The following LGALS16 variants were observed in gnomAD, a reference collection of about 807,000 sequenced individuals.
LGALS16 encodes galectin-16.
A neutral mutation model predicts 13.2 loss-of-function variants in LGALS16; 15 were observed. The observed-to-expected ratio is 1.13, with a 90% CI of 0.76 to 1.75. The LOEUF is 1.75. Among genes scored for constraint, LGALS16 ranks in the 40% most tolerant of loss-of-function variants. LGALS16 has a pLI of 0.00. For synonymous variants in LGALS16, 66 were observed against 65.4 expected, an observed-to-expected ratio of 1.01 and a Z score of -0.05; for missense variants, 198 against 178.4, an observed-to-expected ratio of 1.11 and a Z score of -0.63.
chr19:39,657,850 T>C, intron 1 of LGALS16, 33 bp from the exon 2 acceptor site: 14 of 1,609,834 alleles, frequency 8.7e-6, no homozygotes, highest in Non-Finnish European at 1.1e-5. Flanking sequence ...CACCTGACCC[T>C]GCACCTCTCA....
chr19:39,659,119 A>T (rs1159448624), intron 3 of LGALS16, among the ~76,000 whole-genome samples: 3 of 128,936 alleles, frequency 2.3e-5, no homozygotes, highest in African/African-American at 6.1e-5. Context: ...TTTTTTTTTG[A>T]GACAGAGACT....
intron 3 of LGALS16, 66 bp from the exon 4 acceptor site, chr19:39,660,329 G>C: frequency 6.7e-7 from 1 of 1,502,890 alleles, no homozygotes; most frequent in Non-Finnish European, 8.9e-7. Flanking sequence ...CTAGGGCAGA[G>C]TAGAGAAGAG....
chr19:39,657,382 A>T (rs535597935), intron 1 of LGALS16, among the ~76,000 whole-genome samples: 1 of 152,234 alleles, frequency 6.6e-6, no homozygotes, highest in African/African-American at 2.4e-5. Flanking sequence ...TGCTGTCAGT[A>T]ATGTGTGCCA....
chr19:39,660,330 T>C, intron 3 of LGALS16, 65 bp from the exon 4 acceptor site: 1 of 1,505,768 alleles, frequency 6.6e-7, no homozygotes, highest in Non-Finnish European at 8.9e-7. Context: ...TAGGGCAGAG[T>C]AGAGAAGAGG....
chr19:39,659,420 T>C (rs565808803), intron 3 of LGALS16, among the ~76,000 whole-genome samples: 2 of 152,320 alleles, frequency 1.3e-5, no homozygotes, highest in Admixed American at 1.3e-4. Context: ...TATAGATATG[T>C]CTATGATTTC....
intron 3 of LGALS16, 35 bp from the exon 4 acceptor site, chr19:39,660,360 C>T (rs1264910604): frequency 2.0e-6 from 3 of 1,538,268 alleles, no homozygotes; most frequent in Non-Finnish European, 2.6e-6. Flanking sequence ...TGTTGGGTGG[C>T]ATACTGTCTT....
chr19:39,660,118 TG>T (rs1288306542), intron 3 of LGALS16, among the ~76,000 whole-genome samples: 2 of 152,112 alleles, frequency 1.3e-5, no homozygotes, highest in Non-Finnish European at 2.9e-5. Context: ...TTGCTGGTAA[TG>T]GGGTTGTCCA....
chr19:39,658,485 T>A lies in LGALS16; in HGVS notation c.118T>A (p.Phe40Ile). Residue 40 changes from phenylalanine (F) to isoleucine (I), a missense_variant, in exon 3 of 4, where the codon TTC (phenylalanine) becomes ATC (isoleucine). Coordinates refer to ENST00000392051, the MANE Select transcript of LGALS16 (RefSeq NM_001190441.3). ...CAACGAACCACAGCTGCAGGTGGAT[T>A]TCTACACTGAGATGAATGAGGACTC... ...SINEPQLQVD[F>I]YTEMNEDSEI... is the part of the protein sequence containing the mutation. 1 of 1,603,018 alleles carries A rather than the reference T, an allele frequency of 6.2e-7. No homozygotes were observed. The highest frequency in any genetic ancestry group is 1.1e-5 in the South Asian group (1 of 90,184).
intron 3 of LGALS16, among the ~76,000 whole-genome samples, chr19:39,660,105 CAGT>C (rs1488875090): frequency 6.6e-6 from 1 of 152,122 alleles, no homozygotes; most frequent in Non-Finnish European, 1.5e-5. Context: ...TCCTGAGACA[CAGT>C]TGCTGGTAAT....
chr19:39,656,001 A>C (rs372919241), intron 1 of LGALS16, 25 bp downstream of exon 1: 272 of 1,611,888 alleles, frequency 1.7e-4, no homozygotes, highest in Non-Finnish European at 2.2e-4. Context: ...CACAGCCTTC[A>C]ATAATCTCAA....
At chr19:39,657,723 T>TAC in intron 1 of LGALS16, 160 bp from the exon 2 acceptor site, 1 of 783,012 alleles carries the variant, frequency 1.3e-6, no homozygotes, top group African/African-American at 1.7e-5. Context: ...GGGTCCACCA[T>TAC]ACCTTCAGGA....
chr19:39,656,088 G>A, intron 1 of LGALS16, 112 bp downstream of exon 1: 1 of 1,122,888 alleles, frequency 8.9e-7, no homozygotes, highest in Non-Finnish European at 1.3e-6. Context: ...ATGCTTTACT[G>A]AGAGTTGTGG....
intron 3 of LGALS16, among the ~76,000 whole-genome samples, chr19:39,659,874 T>C (rs1399258313): frequency 2.0e-5 from 3 of 152,178 alleles, no homozygotes; most frequent in Non-Finnish European, 4.4e-5. Flanking sequence ...TCGAAGATAA[T>C]ATCCTATGTT....
Position 39,658,483 on chromosome 19 carries a change from A to G in LGALS16, c.116A>G (p.Asp39Gly). The G allele has an allele frequency of 6.2e-7, 1 of 1,602,618 alleles. No homozygotes were observed. Among genetic ancestry groups the G allele is most frequent in the South Asian group, 1.1e-5 (1 of 90,128 alleles). ...SSINEPQLQV[D>G]FYTEMNEDSE... ...AGCAACGAACCACAGCTGCAGGTGG[A>G]TTTCTACACTGAGATGAATGAGGAC... Residue 39 changes from aspartate (D) to glycine (G), a missense_variant, in exon 3 of 4, where the codon GAT (aspartate) becomes GGT (glycine). Coordinates refer to ENST00000392051, the MANE Select transcript of LGALS16 (RefSeq NM_001190441.3).
At chr19:39,658,427 AC>A (rs1973220010) in intron 2 of LGALS16, 32 bp from the exon 3 acceptor site, 2 of 1,533,668 alleles carry the variant, frequency 1.3e-6, no homozygotes, top group Non-Finnish European at 8.8e-7. Flanking sequence ...CAATGAAGGA[AC>A]CTGTCCAATA....
chr19:39,658,530 C>A lies in LGALS16; in HGVS notation c.163C>A (p.Arg55=), dbSNP rs562528341. 3 of 1,607,510 alleles carry A rather than the reference C, an allele frequency of 1.9e-6. No individual in the cohort carries two copies. The East Asian group carries it at 6.7e-5, about 36-fold the overall frequency. The change falls in exon 3 of 4, where the codon CGA becomes AGA. Residue 55 remains arginine (R), a synonymous_variant. Coordinates refer to ENST00000392051, the MANE Select transcript of LGALS16 (RefSeq NM_001190441.3). ...GGACTCAGAAATTGCCTTCCATTTGCGAGTGCACTTAGGCCGTCGTGTGGT... is the reference window on the plus strand; with the variant it reads ...GGACTCAGAAATTGCCTTCCATTTGAGAGTGCACTTAGGCCGTCGTGTGGT... ...NEDSEIAFHL[R]VHLGRRVVMN... is the part of the protein sequence containing the mutation.
intron 1 of LGALS16, 167 bp from the exon 2 acceptor site, chr19:39,657,716 T>C (rs1973209480): frequency 1.3e-6 from 1 of 743,320 alleles, no homozygotes; most frequent in Non-Finnish European, 2.2e-6. Flanking sequence ...TACCTATGGG[T>C]CCACCATACC....
At chr19:39,658,757 C>T (rs1386176103) in intron 3 of LGALS16, 87 bp downstream of exon 3, 1 of 831,836 alleles carries the variant, frequency 1.2e-6, no homozygotes, top group African/African-American at 1.7e-5. Flanking sequence ...TCACCAGTCC[C>T]TCAGGGCCCA....
intron 1 of LGALS16, 103 bp downstream of exon 1, chr19:39,656,079 T>A (rs1414694145): frequency 4.1e-6 from 5 of 1,219,244 alleles, no homozygotes; most frequent in Non-Finnish European, 5.9e-6. Context: ...CTACTGTGAA[T>A]GCTTTACTGA....
Sources: allele counts gnomAD v4.1 joint callset (sites outside exome capture counted in the v4.1 genomes callset), GRCh38; gene constraint gnomAD v4.1.1; transcripts MANE v1.5; gene names NCBI Gene and HGNC (gene_info 2026-07-23, HGNC 2026-07-21).